SPATA17: variants seen among roughly 807,000 people sequenced by gnomAD.
The protein encoded by SPATA17 is spermatogenesis associated 17.
A neutral mutation model predicts 62.2 loss-of-function variants in SPATA17; 53 were observed. The observed-to-expected ratio is 0.85, with a 90% CI of 0.68 to 1.07. SPATA17 has a LOEUF of 1.07. Ranked by LOEUF, SPATA17 falls within the 50% of genes least tolerant of loss-of-function variation. The pLI is 0.00. For synonymous variants in SPATA17, 146 were observed against 146.8 expected (o/e 0.99, Z 0.04); for missense variants, 466 against 425.5 (o/e 1.10, Z -0.84).
In SPATA17 at chr1:217,823,231, G is replaced by A. The variant is rs566385741; in HGVS notation, c.1005+21381G>A. ...TATTTTTACCTGGTTATATGAATCA[G>A]GGTCCAAACCTACAAGAGTACAAGT... is the stretch of plus-strand genomic sequence containing the variant. On this transcript the variant is annotated intron_variant, in intron 9 of 10. Transcript: ENST00000366933. Among the ~76,000 whole-genome samples, 4 of 151,962 alleles carry A rather than the reference G, an allele frequency of 2.6e-5. No homozygotes were observed. In the South Asian group the frequency reaches 8.3e-4, roughly 32 times the overall value.
At position 217,648,358 on chromosome 1, in the gene SPATA17, A is replaced by G. The variant is rs948817904; in HGVS notation, c.69-524A>G. Among the ~76,000 whole-genome samples the G allele has an allele frequency of 7.9e-5, 12 of 152,236 alleles. No homozygotes were observed. The South Asian group carries it at 1.0e-3, about 13-fold the overall frequency. On this transcript the variant is annotated intron_variant, in intron 1 of 10. Transcript: ENST00000366933. ...AATTTCTTATCTCTATATAAACCCTATGGCCCTCCCCTTGCCTCCTTTAAT... is the reference window on the plus strand; with the variant it reads ...AATTTCTTATCTCTATATAAACCCTGTGGCCCTCCCCTTGCCTCCTTTAAT...
intron 9 of SPATA17, among the ~76,000 whole-genome samples, chr1:217,835,557 C>G (rs1217966889): frequency 2.0e-5 from 3 of 152,068 alleles, no homozygotes; most frequent in Non-Finnish European, 4.4e-5. Flanking sequence ...AACCGTAGTG[C>G]ATTGAATAAC....
At chr1:217,670,953 GAA>G (rs71661748) in intron 4 of SPATA17, among the ~76,000 whole-genome samples, 4 of 87,130 alleles carry the variant, frequency 4.6e-5, no homozygotes, top group Non-Finnish European at 7.0e-5. Flanking sequence ...TCCGTCTCAG[GAA>G]AAAAAAAAAA....
intron 5 of SPATA17, chr1:217,739,580 A>G (rs935635127): frequency 2.6e-5 from 4 of 152,194 alleles, no homozygotes; most frequent in African/African-American, 9.6e-5. Flanking sequence ...TCTCCAGATT[A>G]AAAATATAGG....
intron 3 of SPATA17, among the ~76,000 whole-genome samples, chr1:217,667,290 G>T (rs1278333926): frequency 1.3e-5 from 2 of 151,550 alleles, no homozygotes; most frequent in African/African-American, 4.8e-5. Context: ...CTCGTGAGTC[G>T]CCTGCCTCGG....
chr1:217,832,624 T>G (rs971269651), intron 9 of SPATA17, among the ~76,000 whole-genome samples: 7 of 152,156 alleles, frequency 4.6e-5, no homozygotes, highest in Non-Finnish European at 8.8e-5. Flanking sequence ...GGATTGACTT[T>G]TTATGACATT....
chr1:217,707,787 T>C (rs568403764), intron 5 of SPATA17, among the ~76,000 whole-genome samples: 1 of 152,302 alleles, frequency 6.6e-6, no homozygotes, highest in Admixed American at 6.5e-5. Context: ...TACTCTAAAA[T>C]TGACCTCACA....
intron 9 of SPATA17, among the ~76,000 whole-genome samples, chr1:217,820,952 T>A (rs1674842839): frequency 6.6e-6 from 1 of 152,048 alleles, no homozygotes; most frequent in Admixed American, 6.6e-5. Flanking sequence ...TGTGCTGCAT[T>A]AAAACATGGC....
intron 3 of SPATA17, among the ~76,000 whole-genome samples, chr1:217,651,708 G>T (rs534812524): frequency 2.6e-5 from 4 of 152,196 alleles, no homozygotes; most frequent in Admixed American, 6.5e-5. Flanking sequence ...TTCCAGAATG[G>T]TTTTTTATGG....
chr1:217,742,596 C>T (rs1672647496), intron 6 of SPATA17, among the ~76,000 whole-genome samples: 1 of 152,028 alleles, frequency 6.6e-6, no homozygotes, highest in Non-Finnish European at 1.5e-5. Context: ...AGTATAAGCA[C>T]GAAATTTGGA....
intron 1 of SPATA17, among the ~76,000 whole-genome samples, chr1:217,648,348 T>C (rs1571703367): frequency 6.6e-6 from 1 of 152,348 alleles, no homozygotes; most frequent in South Asian, 2.1e-4. Flanking sequence ...CTTATCTCTA[T>C]ATAAACCCTA....
intron 9 of SPATA17, among the ~76,000 whole-genome samples, chr1:217,856,483 T>C (rs958771565): frequency 4.6e-5 from 7 of 152,098 alleles, no homozygotes; most frequent in Non-Finnish European, 8.8e-5. Context: ...AATAAGAAAG[T>C]TTTCACATGA....
chr1:217,839,437 T>G lies in SPATA17; in HGVS notation c.1006-23337T>G, dbSNP rs554114003. Among the ~76,000 whole-genome samples, 6 of 152,214 alleles carry G rather than the reference T, an allele frequency of 3.9e-5. No homozygotes were observed. The South Asian group carries it at 1.2e-3, about 32-fold the overall frequency. On this transcript the variant is annotated intron_variant, in intron 9 of 10. Transcript: ENST00000366933. Reference sequence around the variant, plus strand: ...TTGGATTAGAGTTTCATCAATCACTTTTTTAAACTGATCCAGAATTGCTTC... The same window carrying G: ...TTGGATTAGAGTTTCATCAATCACTGTTTTAAACTGATCCAGAATTGCTTC...
At chr1:217,863,881 C>A (rs1675947862) in intron 10 of SPATA17, among the ~76,000 whole-genome samples, 1 of 152,064 alleles carries the variant, frequency 6.6e-6, no homozygotes, top group Non-Finnish European at 1.5e-5. Context: ...GTTAGAATCC[C>A]CCAGCTATCC....
chr1:217,781,948 GTTTAAT>G (rs975689332), intron 7 of SPATA17, among the ~76,000 whole-genome samples: 1 of 152,074 alleles, frequency 6.6e-6, no homozygotes, highest in Non-Finnish European at 1.5e-5. Flanking sequence ...GGAAACTTCT[GTTTAAT>G]TTTAAAGTTT....
intron 6 of SPATA17, among the ~76,000 whole-genome samples, chr1:217,750,502 G>A (rs1007764373): frequency 1.4e-4 from 21 of 152,148 alleles, no homozygotes; most frequent in Non-Finnish European, 7.4e-5. Flanking sequence ...TAGAGTCACT[G>A]CTATTTAGTA....
chr1:217,730,521 A>G (rs1300929205), intron 5 of SPATA17, among the ~76,000 whole-genome samples: 1 of 152,024 alleles, frequency 6.6e-6, no homozygotes, highest in Non-Finnish European at 1.5e-5. Flanking sequence ...ACGCCCAGCC[A>G]AGTTTTTGTT....
At chr1:217,853,998 G>C (rs1057356459) in intron 9 of SPATA17, among the ~76,000 whole-genome samples, 1 of 152,160 alleles carries the variant, frequency 6.6e-6, no homozygotes, top group South Asian at 2.1e-4. Flanking sequence ...AATCATAGCA[G>C]ATTCAGAGAG....
chr1:217,714,645 G>A lies in SPATA17; in HGVS notation c.396-27330G>A, dbSNP rs532181192. ...ACTACAGGTTCCCGCCAGCACGCCC[G>A]GCTAATTTTTTGTATTTTTTTAGTA... is the stretch of plus-strand genomic sequence containing the variant. On this transcript the variant is annotated intron_variant, in intron 5 of 10. Coordinates refer to ENST00000366933, the MANE Select transcript of SPATA17 (RefSeq NM_138796.4). 2.9e-3 allele frequency among the ~76,000 whole-genome samples: 435 copies of A among 151,736 alleles called. 1 individual carries two copies. The highest frequency in any genetic ancestry group is 0.01 in the African/African-American group (415 of 41,432).
Sources: gnomAD v4.1 joint callset for allele counts (sites outside exome capture counted in the v4.1 genomes callset) on GRCh38, gnomAD v4.1.1 for gene constraint, MANE v1.5 for transcripts, NCBI Gene and HGNC (gene_info 2026-07-23, HGNC 2026-07-21) for gene names.